The following DHRSX variants were observed in gnomAD, a reference collection of about 807,000 sequenced individuals.
The protein encoded by DHRSX is polyprenol dehydrogenase.
A neutral mutation model predicts 34.0 loss-of-function variants in DHRSX; 31 were observed. The observed-to-expected ratio is 0.91, with a 90% confidence interval of 0.69 to 1.23. DHRSX has a LOEUF of 1.23. Ranked by LOEUF, DHRSX falls within the 50% of genes most tolerant of loss-of-function variation. The probability of loss-of-function intolerance (pLI) is 0.00; values close to 1 mark genes in which losing one functional copy is unlikely to be tolerated. For synonymous variants in DHRSX, 201 were observed against 183.8 expected, an observed-to-expected ratio of 1.09 and a Z score of -0.76; for missense variants, 414 against 428.1, an observed-to-expected ratio of 0.97 and a Z score of 0.29.
chrX:2,347,609 G>C (rs1451764210), intron 3 of DHRSX, among the ~76,000 whole-genome samples: 1 of 152,150 alleles, frequency 6.6e-6, no homozygotes, highest in Admixed American at 6.5e-5. Flanking sequence ...CAGGAGAATC[G>C]CTGGAACCCA....
At chrX:2,324,922 C>T (rs1169964621) in intron 3 of DHRSX, among the ~76,000 whole-genome samples, 1 of 146,404 alleles carries the variant, frequency 6.8e-6, no homozygotes, top group Non-Finnish European at 1.5e-5. Flanking sequence ...GTACGCACCA[C>T]CAAGCCCGGC....
At chrX:2,233,271 G>A (rs1009001439) in intron 6 of DHRSX, among the ~76,000 whole-genome samples, 2 of 152,018 alleles carry the variant, frequency 1.3e-5, no homozygotes, top group Non-Finnish European at 2.9e-5. Flanking sequence ...GCTTGGTGAC[G>A]CCTTGTGCAG....
chrX:2,320,407 C>T (rs112428595), intron 3 of DHRSX, among the ~76,000 whole-genome samples: 4 of 143,610 alleles, frequency 2.8e-5, no homozygotes, highest in African/African-American at 1.0e-4. Flanking sequence ...AGATTCTCCT[C>T]CCTAATCCTC....
intron 4 of DHRSX, among the ~76,000 whole-genome samples, chrX:2,290,737 G>T (rs1272907690): frequency 6.6e-6 from 1 of 152,178 alleles, no homozygotes; most frequent in African/African-American, 2.4e-5. Flanking sequence ...ACACATGTTT[G>T]TTGGTGTATT....
At chrX:2,367,447 GAAAAAAGAAAAAA>G (rs1387575052) in intron 3 of DHRSX, among the ~76,000 whole-genome samples, 1 of 128,138 alleles carries the variant, frequency 7.8e-6, no homozygotes, top group Non-Finnish European at 1.7e-5. Context: ...AAAAAAAAAA[GAAAAAAGAAAAAA>G]AAAAAAGAAC....
At chrX:2,303,037 A>AGAG (rs2042031828) in intron 3 of DHRSX, among the ~76,000 whole-genome samples, 1 of 152,194 alleles carries the variant, frequency 6.6e-6, no homozygotes, top group African/African-American at 2.4e-5. Flanking sequence ...GATGTAAGAA[A>AGAG]GAGGAAAACC....
At chrX:2,252,774 G>C (rs989406466) in intron 5 of DHRSX, among the ~76,000 whole-genome samples, 1 of 152,206 alleles carries the variant, frequency 6.6e-6, no homozygotes, top group Admixed American at 6.5e-5. Context: ...ATTCCCTGGG[G>C]TGGGGGTTAG....
At chrX:2,393,650 T>G (rs1273170433) in intron 3 of DHRSX, among the ~76,000 whole-genome samples, 18 of 103,168 alleles carry the variant, frequency 1.7e-4, no homozygotes, top group Non-Finnish European at 1.5e-4. Flanking sequence ...CACAGGGACC[T>G]CCCCGTCTCC....
intron 5 of DHRSX, among the ~76,000 whole-genome samples, chrX:2,258,975 G>A (rs1231357520): frequency 1.3e-5 from 2 of 152,056 alleles, no homozygotes; most frequent in Non-Finnish European, 2.9e-5. Flanking sequence ...TGTAAGTCTC[G>A]AAAAAATAGG....
At chrX:2,368,506 C>CA (rs1161085323) in intron 3 of DHRSX, among the ~76,000 whole-genome samples, 1 of 151,836 alleles carries the variant, frequency 6.6e-6, no homozygotes, top group Admixed American at 6.6e-5. Context: ...TGCTAAACAA[C>CA]AAAAAACATA....
At chrX:2,475,177 C>T (rs767596553) in intron 1 of DHRSX, among the ~76,000 whole-genome samples, 5 of 151,036 alleles carry the variant, frequency 3.3e-5, no homozygotes, top group East Asian at 4.0e-4. Flanking sequence ...AAGGGACCTC[C>T]GCCATGTGCA....
chrX:2,303,914 TG>T, intron 3 of DHRSX, among the ~76,000 whole-genome samples: 3 of 130,388 alleles, frequency 2.3e-5, no homozygotes, highest in African/African-American at 9.5e-5. Flanking sequence ...GATGGATGGA[TG>T]GATGGATGGA....
chrX:2,276,843 A>G (rs1248127261), intron 4 of DHRSX, among the ~76,000 whole-genome samples: 2 of 134,640 alleles, frequency 1.5e-5, no homozygotes, highest in Admixed American at 1.5e-4. Context: ...ACAGGGAGAG[A>G]GAGGGAGGGC....
intron 1 of DHRSX, among the ~76,000 whole-genome samples, chrX:2,452,440 C>T (rs955145034): frequency 4.3e-5 from 6 of 140,280 alleles, no homozygotes; most frequent in African/African-American, 1.3e-4. Context: ...ACATTCCCTA[C>T]GAATGTGGAT....
chrX:2,497,970 T>C (rs1200828968), intron 1 of DHRSX, among the ~76,000 whole-genome samples: 2 of 152,170 alleles, frequency 1.3e-5, no homozygotes, highest in Non-Finnish European at 2.9e-5. Flanking sequence ...CGCATGGATA[T>C]AGTCTTAAGA....
At chrX:2,343,622 C>A (rs2042666760) in intron 3 of DHRSX, among the ~76,000 whole-genome samples, 1 of 152,188 alleles carries the variant, frequency 6.6e-6, no homozygotes, top group African/African-American at 2.4e-5. Flanking sequence ...CATTACGCAG[C>A]ATCCACCGCA....
intron 5 of DHRSX, among the ~76,000 whole-genome samples, chrX:2,257,986 A>T (rs2041302393): frequency 6.6e-6 from 1 of 152,122 alleles, no homozygotes; most frequent in African/African-American, 2.4e-5. Context: ...GTAGGTACTG[A>T]TCCAATAGGA....
chrX:2,298,178 A>C (rs1418054391), intron 3 of DHRSX, among the ~76,000 whole-genome samples: 1 of 152,064 alleles, frequency 6.6e-6, no homozygotes, highest in Non-Finnish European at 1.5e-5. Context: ...TGGAGCCCCC[A>C]GGAGCTGGGG....
chrX:2,359,569 A>C (rs369288192), intron 3 of DHRSX, among the ~76,000 whole-genome samples: 17 of 152,126 alleles, frequency 1.1e-4, no homozygotes, highest in African/African-American at 3.6e-4. Flanking sequence ...AATCCCAGCT[A>C]CTTGGGAGGC....
Sources: allele counts gnomAD v4.1 joint callset (sites outside exome capture counted in the v4.1 genomes callset), GRCh38; gene constraint gnomAD v4.1.1; transcripts MANE v1.5; gene names NCBI Gene and HGNC (gene_info 2026-07-23, HGNC 2026-07-21).